The following FHIT variants were observed in gnomAD, a reference collection of about 807,000 sequenced individuals.
FHIT encodes fragile histidine triad diadenosine triphosphatase.
Under a neutral mutation model 17.9 loss-of-function variants are expected in FHIT, and 19 were observed. The observed-to-expected ratio is 1.06, with a 90% CI of 0.74 to 1.56. FHIT has a LOEUF of 1.56. FHIT is among the 40% of genes most tolerant of loss of function. FHIT has a pLI of 0.00. For synonymous variants in FHIT, 81 were observed against 69.7 expected (o/e 1.16, Z -0.81); for missense variants, 248 against 189.2 (o/e 1.31, Z -1.82).
At chr3:60,982,253 C>CT (rs546128769) in intron 3 of FHIT, among the ~76,000 whole-genome samples, 149 of 152,358 alleles carry the variant, frequency 9.8e-4, no homozygotes, top group Middle Eastern at 3.4e-3. Flanking sequence ...CTACAGGAGA[C>CT]TGTCCAGTGA....
chr3:60,504,207 G>A (rs545812686), intron 5 of FHIT, among the ~76,000 whole-genome samples: 6 of 152,052 alleles, frequency 3.9e-5, no homozygotes, highest in South Asian at 2.1e-4. Context: ...CGGCCGAGGC[G>A]GGCAGATCAT....
chr3:60,831,085 T>A (rs1336066480), intron 3 of FHIT, among the ~76,000 whole-genome samples: 2 of 152,164 alleles, frequency 1.3e-5, no homozygotes, highest in Admixed American at 1.3e-4. Flanking sequence ...ACCATACCAC[T>A]TCCCCAACTA....
At chr3:61,024,555 T>A (rs963154338) in intron 3 of FHIT, among the ~76,000 whole-genome samples, 1 of 152,180 alleles carries the variant, frequency 6.6e-6, no homozygotes, top group Non-Finnish European at 1.5e-5. Flanking sequence ...AGGTTTATTG[T>A]TACATTTGTA....
At position 60,076,777 on chromosome 3, in the gene FHIT, C is replaced by G. The variant is rs922686434; in HGVS notation, c.104-62625G>C. On this transcript the variant is annotated intron_variant, in intron 5 of 9. Coordinates refer to ENST00000492590, the MANE Select transcript of FHIT (RefSeq NM_002012.4). ...AGGAAAGAAAGAAAGATGATTGAAA[C>G]CATTAAAGCAATCCTGATAAATAAG... Among the ~76,000 whole-genome samples the G allele has an allele frequency of 2.1e-5, 3 of 144,260 alleles. 1 individual carries two copies. The Admixed American group carries it at 2.1e-4, about 10-fold the overall frequency. The allele number at this position is 144,260 out of a possible 152,430, so 94.6% of individuals were successfully genotyped here.
intron 8 of FHIT, among the ~76,000 whole-genome samples, chr3:59,910,264 G>A (rs1442222247): frequency 1.3e-5 from 2 of 152,234 alleles, no homozygotes; most frequent in Non-Finnish European, 2.9e-5. Flanking sequence ...GGAGCTTCCA[G>A]GGCATAGGTA....
At chr3:61,241,910 C>T (rs1354649979) in intron 1 of FHIT, among the ~76,000 whole-genome samples, 1 of 152,172 alleles carries the variant, frequency 6.6e-6, no homozygotes, top group Non-Finnish European at 1.5e-5. Context: ...GCAGTTAACA[C>T]TCTGGCAAAA....
At chr3:60,472,642 T>C (rs780024064) in intron 5 of FHIT, among the ~76,000 whole-genome samples, 5 of 152,226 alleles carry the variant, frequency 3.3e-5, no homozygotes, top group Non-Finnish European at 4.4e-5. Flanking sequence ...GGGCTGGGAT[T>C]ACAGGCATGA....
chr3:61,138,447 A>G (rs904687516), intron 2 of FHIT, among the ~76,000 whole-genome samples: 2 of 152,244 alleles, frequency 1.3e-5, no homozygotes, highest in Non-Finnish European at 2.9e-5. Flanking sequence ...GCCTAGGATT[A>G]CAGCTGGGCC....
chr3:60,142,894 AG>A (rs555763954), intron 5 of FHIT, among the ~76,000 whole-genome samples: 2 of 152,128 alleles, frequency 1.3e-5, no homozygotes, highest in African/African-American at 4.8e-5. Flanking sequence ...AGAATTAACA[AG>A]ATAAGAATAT....
At chr3:59,907,811 A>G (rs1704656318) in intron 8 of FHIT, among the ~76,000 whole-genome samples, 1 of 152,242 alleles carries the variant, frequency 6.6e-6, no homozygotes, top group African/African-American at 2.4e-5. Flanking sequence ...ATGGGTTAAA[A>G]TTCAGGTGTT....
intron 5 of FHIT, among the ~76,000 whole-genome samples, chr3:60,092,085 G>A (rs1315894587): frequency 2.6e-5 from 4 of 152,098 alleles, no homozygotes; most frequent in African/African-American, 7.2e-5. Context: ...GGAATAGTAC[G>A]ACAATAATCT....
At chr3:61,133,390 T>C (rs1362421431) in intron 2 of FHIT, among the ~76,000 whole-genome samples, 1 of 152,160 alleles carries the variant, frequency 6.6e-6, no homozygotes, top group Admixed American at 6.5e-5. Context: ...AAGGATCACA[T>C]AAAGACTTCT....
chr3:60,714,496 T>C (rs568424176), intron 4 of FHIT, among the ~76,000 whole-genome samples: 2,658 of 152,190 alleles, frequency 0.017, 81 homozygotes, highest in African/African-American at 0.06. Context: ...GTCAAATTGT[T>C]CCTGTTTGCA....
intron 8 of FHIT, among the ~76,000 whole-genome samples, chr3:59,774,271 G>A (rs1489901731): frequency 6.6e-6 from 1 of 152,204 alleles, no homozygotes; most frequent in East Asian, 1.9e-4. Flanking sequence ...TACAGCAGCA[G>A]AGCTAAGGAT....
At chr3:60,373,003 C>G (rs920077635) in intron 5 of FHIT, among the ~76,000 whole-genome samples, 1 of 151,928 alleles carries the variant, frequency 6.6e-6, no homozygotes, top group African/African-American at 2.4e-5. Context: ...ATAAAAATGT[C>G]AAAATAATTG....
intron 4 of FHIT, among the ~76,000 whole-genome samples, chr3:60,808,892 C>T (rs1701483570): frequency 6.6e-6 from 1 of 152,138 alleles, no homozygotes; most frequent in Admixed American, 6.5e-5. Flanking sequence ...GAGCTTGGTT[C>T]AGTAGTTCAG....
intron 5 of FHIT, among the ~76,000 whole-genome samples, chr3:60,443,663 G>A (rs1401989534): frequency 1.3e-5 from 2 of 152,092 alleles, no homozygotes; most frequent in African/African-American, 4.8e-5. Context: ...TGTGCTGCTG[G>A]ATTCAGTTTG....
chr3:60,266,929 T>C (rs899166418), intron 5 of FHIT, among the ~76,000 whole-genome samples: 11 of 151,934 alleles, frequency 7.2e-5, no homozygotes, highest in South Asian at 2.1e-4. Flanking sequence ...TCCAGAGAAA[T>C]CAAAAGTCAG....
intron 2 of FHIT, among the ~76,000 whole-genome samples, chr3:61,043,085 G>A (rs930179152): frequency 5.9e-5 from 9 of 152,080 alleles, no homozygotes; most frequent in Admixed American, 1.3e-4. Context: ...CTGAGGTACC[G>A]GGTTCATCTC....
Sources: allele counts gnomAD v4.1 joint callset (sites outside exome capture counted in the v4.1 genomes callset), GRCh38; gene constraint gnomAD v4.1.1; transcripts MANE v1.5; gene names NCBI Gene and HGNC (gene_info 2026-07-23, HGNC 2026-07-21).